Variants in SLCO2B1 observed in about 807,000 individuals in gnomAD.
SLCO2B1 encodes the protein OATP-RP2.
A neutral mutation model predicts 67.3 loss-of-function variants in SLCO2B1; 41 were observed. The ratio of observed to expected loss-of-function variants is 0.61; its 90% CI spans 0.47 to 0.79. SLCO2B1 has a LOEUF of 0.79. SLCO2B1 is among the 30% of genes least tolerant of loss of function. The probability of loss-of-function intolerance (pLI) is 0.00; values close to 1 mark genes in which losing one functional copy is unlikely to be tolerated. For missense variants in SLCO2B1, 837 were observed against 920.1 expected (o/e 0.91, Z 1.17); for synonymous variants, 379 against 381.4 (o/e 0.99, Z 0.07).
chr11:75,179,271 G>T (rs1950066117), intron 7 of SLCO2B1, among the ~76,000 whole-genome samples: 2 of 106,768 alleles, frequency 1.9e-5, no homozygotes, highest in Non-Finnish European at 3.4e-5. Context: ...TCTCTCTGTT[G>T]CCCAGGCTGG....
intron 1 of SLCO2B1, among the ~76,000 whole-genome samples, chr11:75,159,589 T>G (rs1949789312): frequency 6.6e-6 from 1 of 152,174 alleles, no homozygotes; most frequent in Non-Finnish European, 1.5e-5. Context: ...GAAGGTTTGC[T>G]GTCAGCGCGT....
intron 7 of SLCO2B1, among the ~76,000 whole-genome samples, chr11:75,185,476 T>G (rs1950138567): frequency 6.7e-6 from 1 of 150,350 alleles, no homozygotes; most frequent in African/African-American, 2.4e-5. Flanking sequence ...TCTTCCAAAC[T>G]GCTGTCCCCA....
In SLCO2B1 at chr11:75,169,688, G is replaced by C. The variant is rs1454426443; in HGVS notation, c.705G>C (p.Met235Ile). Residue 235 changes from methionine to isoleucine, a missense_variant, in exon 6 of 14, where the codon ATG becomes ATC. Coordinates refer to ENST00000289575, the MANE Select transcript of SLCO2B1 (RefSeq NM_007256.5). ...TAGGGATCCTGTTTGCAGTGACCAT[G>C]ATGGGGCCAGGCCTGGCCTTTGGGC... ...LYLGILFAVT[M>I]MGPGLAFGLG... is the part of the protein sequence containing the mutation. 1.2e-6 allele frequency: 2 copies of C among 1,613,448 alleles called. No individual in the cohort carries two copies. The highest frequency in any genetic ancestry group is 4.5e-5 in the East Asian group (2 of 44,874).
Position 75,186,282 on chromosome 11 carries a change from C to G in SLCO2B1, c.973-1854C>G, listed in dbSNP as rs564000542. ...GGAGTGCAGTGGTACGATCTCAGCTCACTACAACCTCCGCCTCCCAGGTTC... is the reference window on the plus strand; with the variant it reads ...GGAGTGCAGTGGTACGATCTCAGCTGACTACAACCTCCGCCTCCCAGGTTC... On this transcript the variant is annotated intron_variant, in intron 7 of 13. Transcript: ENST00000289575. 5.3e-5 allele frequency among the ~76,000 whole-genome samples: 8 copies of G among 151,600 alleles called. No individual in the cohort carries two copies. In the South Asian group the frequency reaches 1.7e-3, roughly 32 times the overall value.
Position 75,203,426 on chromosome 11 carries a change from C to T in SLCO2B1, c.1948C>T (p.Arg650Trp), listed in dbSNP as rs144448580. The change falls in exon 13 of 14, where the codon CGG becomes TGG. Residue 650 changes from arginine (R) to tryptophan (W), a missense_variant and splice_region_variant. Arg to Trp is a moderately radical substitution (Grantham distance 101). Coordinates refer to ENST00000289575, the MANE Select transcript of SLCO2B1 (RefSeq NM_007256.5). ...RYYNNDLLRN[R>W]FIGLQFFFKT... is the part of the protein sequence containing the mutation. ...CTACAATAATGACCTGCTCCGAAAC[C>T]GGTGAGACCTGGTTTGATGGCTTGT... 7.4e-6 allele frequency: 12 copies of T among 1,613,974 alleles called. No individual in the cohort carries two copies. The highest frequency in any genetic ancestry group is 6.6e-5 in the South Asian group (6 of 91,082).
At chr11:75,163,144 A>G (rs1949843513) in intron 2 of SLCO2B1, among the ~76,000 whole-genome samples, 1 of 152,136 alleles carries the variant, frequency 6.6e-6, no homozygotes, top group African/African-American at 2.4e-5. Flanking sequence ...TGAACATCCA[A>G]CGTCCACTGG....
At chr11:75,188,548 A>C (rs991387845) in intron 8 of SLCO2B1, among the ~76,000 whole-genome samples, 3 of 152,186 alleles carry the variant, frequency 2.0e-5, no homozygotes, top group Non-Finnish European at 2.9e-5. Flanking sequence ...CAACATGGTT[A>C]AACCCTGTCT....
intron 8 of SLCO2B1, 50 bp downstream of exon 8, chr11:75,188,288 C>T (rs368271835): frequency 3.1e-5 from 38 of 1,239,760 alleles, no homozygotes; most frequent in Admixed American, 5.2e-5. Flanking sequence ...GAGGGGTCTT[C>T]GAGATTGTCA....
At chr11:75,203,461 G>C in intron 13 of SLCO2B1, 34 bp downstream of exon 13, 1 of 1,612,608 alleles carries the variant, frequency 6.2e-7, no homozygotes, top group East Asian at 2.2e-5. Flanking sequence ...TGGGAAGGGT[G>C]CTGGAAATAC....
chr11:75,201,422 T>C (rs1945181132), intron 11 of SLCO2B1: 1 of 152,184 alleles, frequency 6.6e-6, no homozygotes, highest in African/African-American at 2.4e-5. Flanking sequence ...GGCACTCAAT[T>C]AATTCTGCAG....
At chr11:75,168,934 A>G (rs1376733247) in intron 4 of SLCO2B1, among the ~76,000 whole-genome samples, 1 of 152,184 alleles carries the variant, frequency 6.6e-6, no homozygotes, top group Non-Finnish European at 1.5e-5. Flanking sequence ...GTTTAAGAGC[A>G]TGGACTCTGA....
Position 75,169,348 on chromosome 11 carries a change from C to A in SLCO2B1, c.624C>A (p.Pro208=), listed in dbSNP as rs760922757. 4.3e-6 allele frequency: 7 copies of A among 1,613,746 alleles called. No individual in the cohort carries two copies. Among genetic ancestry groups the A allele is most frequent in the Non-Finnish European group, 5.9e-6 (7 of 1,179,780 alleles). Residue 208 remains proline, a synonymous_variant, in exon 5 of 14, where the codon CCC becomes CCA. Coordinates refer to ENST00000289575, the MANE Select transcript of SLCO2B1 (RefSeq NM_007256.5). ...GCGTGGGCGGGGTGCCCATTCAGCC[C>A]TTTGGCATCTCCTACATCGATGACT... ...LLGVGGVPIQ[P]FGISYIDDFA...
intron 4 of SLCO2B1, 27 bp downstream of exon 4, chr11:75,165,976 G>T: frequency 6.2e-7 from 1 of 1,606,066 alleles, no homozygotes; most frequent in Non-Finnish European, 8.5e-7. Flanking sequence ...CTGGGCAGGA[G>T]TGGGACGTTA....
At position 75,204,446 on chromosome 11, in the gene SLCO2B1, T is replaced by C. The variant is rs1219935949; in HGVS notation, c.1996T>C (p.Phe666Leu). The C allele has an allele frequency of 6.2e-7, 1 of 1,612,850 alleles. No individual in the cohort carries two copies. Among genetic ancestry groups the C allele is most frequent in the East Asian group, 2.2e-5 (1 of 44,842 alleles). ...CTTCAAAACAGGTTCTGTGATCTGC[T>C]TCGCCTTAGTTTTGGCTGTCCTGAG... The part of the protein sequence containing the change: ...FFFKTGSVIC[F>L]ALVLAVLRQQ... Residue 666 changes from phenylalanine to leucine, a missense_variant, in exon 14 of 14, where the codon TTC (phenylalanine) becomes CTC (leucine). Physicochemically the swap from Phe to Leu is conservative, Grantham distance 22. Transcript: ENST00000289575.
chr11:75,157,721 T>C (rs1213657664), intron 1 of SLCO2B1, among the ~76,000 whole-genome samples: 1 of 152,258 alleles, frequency 6.6e-6, no homozygotes, highest in Non-Finnish European at 1.5e-5. Flanking sequence ...TTGTCCTCAC[T>C]CTTTGCTAGG....
intron 1 of SLCO2B1, among the ~76,000 whole-genome samples, chr11:75,159,239 A>G (rs1949784131): frequency 6.6e-6 from 1 of 152,234 alleles, no homozygotes; most frequent in Non-Finnish European, 1.5e-5. Context: ...ACAGTCAGAC[A>G]CACAGACCCA....
At chr11:75,200,071 C>T in intron 10 of SLCO2B1, 153 bp from the exon 11 acceptor site, 1 of 716,862 alleles carries the variant, frequency 1.4e-6, no homozygotes, top group South Asian at 2.0e-5. Flanking sequence ...CGTCTTTGCT[C>T]AGCCAACGGG....
At chr11:75,168,608 G>A (rs1676878) in intron 4 of SLCO2B1, among the ~76,000 whole-genome samples, 64,418 of 151,972 alleles carry the variant, frequency 0.42, 16,244 homozygotes, top group Non-Finnish European at 0.57. Context: ...GGGCCCCAGG[G>A]CCCTCCACAA....
rs373731799 is a variant in SLCO2B1, at chr11:75,159,434, T to A, written c.17-3221T>A. Among the ~76,000 whole-genome samples the A allele has an allele frequency of 7.9e-5, 12 of 152,318 alleles. No homozygotes were observed. The East Asian group carries it at 2.1e-3, about 27-fold the overall frequency. On this transcript the variant is annotated intron_variant, in intron 1 of 13. Transcript: ENST00000289575. ...CCTGCCCAGCCCAGGTTCAGTCCCA[T>A]GGCCGTCCCATCCTCCTGTCAGGGG... is the stretch of plus-strand genomic sequence containing the variant.
Sources: allele counts gnomAD v4.1 joint callset (sites outside exome capture counted in the v4.1 genomes callset), GRCh38; gene constraint gnomAD v4.1.1; transcripts MANE v1.5; gene names NCBI Gene and HGNC (gene_info 2026-07-23, HGNC 2026-07-21).